GRAP2: variants seen among roughly 807,000 people sequenced by gnomAD.
GRAP2 encodes GRB2-related adapter protein 2.
Under a neutral mutation model 43.5 loss-of-function variants are expected in GRAP2, and 31 were observed. That is an observed-to-expected ratio of 0.71 (90% CI 0.54 to 0.96). GRAP2 has a LOEUF of 0.96. GRAP2 is among the 40% of genes least tolerant of loss of function. The pLI, the probability that GRAP2 is intolerant of heterozygous loss-of-function variation, is 0.00. For missense variants in GRAP2, 371 were observed against 424.4 expected (o/e 0.87, Z 1.11); for synonymous variants, 156 against 164.8 (o/e 0.95, Z 0.41).
intron 3 of GRAP2, among the ~76,000 whole-genome samples, chr22:39,956,173 T>G (rs560410425): frequency 5.7e-4 from 87 of 151,414 alleles, no homozygotes; most frequent in African/African-American, 2.0e-3. Context: ...TTTTTTTTTT[T>G]GGGAGTTGGG....
At chr22:39,896,449 C>G (rs958568897), upstream of GRAP2, among the ~76,000 whole-genome samples, 5 of 152,050 alleles carry the variant, frequency 3.3e-5, no homozygotes, top group Non-Finnish European at 7.4e-5. Flanking sequence ...GAACATGATC[C>G]GAGGGGTCAG....
Position 39,971,460 on chromosome 22 carries a change from A to G in GRAP2, c.*376A>G. ...AGCAGAGACCACACCTCGGCACTGGACACAGAACAACAGGGTGGGGTTGAA... is the reference window on the plus strand; with the variant it reads ...AGCAGAGACCACACCTCGGCACTGGGCACAGAACAACAGGGTGGGGTTGAA... On this transcript the variant is annotated 3_prime_UTR_variant, in exon 8 of 8. Coordinates refer to ENST00000344138, the MANE Select transcript of GRAP2 (RefSeq NM_004810.4). The G allele has an allele frequency of 9.5e-6, 2 of 209,442 alleles. No individual in the cohort carries two copies. The highest frequency in any genetic ancestry group is 1.9e-5 in the Non-Finnish European group (2 of 106,370). 13.0% of individuals were successfully genotyped at this position (209,442 alleles called of 1,614,324 possible).
chr22:39,949,120 C>G (rs530187984), intron 2 of GRAP2, among the ~76,000 whole-genome samples: 1 of 152,136 alleles, frequency 6.6e-6, no homozygotes, highest in Non-Finnish European at 1.5e-5. Context: ...CAGCCCCTAA[C>G]TCAGGATGCC....
At chr22:39,934,622 A>G (rs893355625) in intron 1 of GRAP2, among the ~76,000 whole-genome samples, 2 of 152,216 alleles carry the variant, frequency 1.3e-5, no homozygotes, top group African/African-American at 2.4e-5. Flanking sequence ...TTTTGGTTTC[A>G]AGAAACCCGT....
At chr22:39,955,589 G>A (rs767502931) in intron 2 of GRAP2, among the ~76,000 whole-genome samples, 26 of 152,264 alleles carry the variant, frequency 1.7e-4, no homozygotes, top group African/African-American at 4.8e-4. Context: ...ATGAGTGGAC[G>A]GCACAAGTGG....
chr22:39,904,415 A>C (rs2066510857), intron 1 of GRAP2, among the ~76,000 whole-genome samples: 1 of 152,194 alleles, frequency 6.6e-6, no homozygotes. Flanking sequence ...AAAGAAAAGA[A>C]AAGATAGTGA....
At chr22:39,970,571 G>A (rs748446997) in intron 7 of GRAP2, among the ~76,000 whole-genome samples, 4 of 152,146 alleles carry the variant, frequency 2.6e-5, no homozygotes, top group Admixed American at 1.3e-4. Flanking sequence ...CCAGAGTGAC[G>A]CTGGTGCGTT....
chr22:39,923,140 G>A (rs2066668439), intron 1 of GRAP2, among the ~76,000 whole-genome samples: 1 of 152,154 alleles, frequency 6.6e-6, no homozygotes, highest in South Asian at 2.1e-4. Flanking sequence ...AGACACGGAG[G>A]AGTCCAGAAG....
chr22:39,936,765 C>CTAT (rs1172378410), intron 1 of GRAP2, among the ~76,000 whole-genome samples: 1 of 152,134 alleles, frequency 6.6e-6, no homozygotes, highest in Admixed American at 6.6e-5. Context: ...GTTTGTAAGT[C>CTAT]TATTAGCTGA....
In GRAP2 at chr22:39,968,114, A is replaced by C; in HGVS notation, c.532A>C (p.Ile178Leu). 1.1e-5 allele frequency: 18 copies of C among 1,610,196 alleles called. No homozygotes were observed. Among genetic ancestry groups the C allele is most frequent in the Non-Finnish European group, 1.5e-5 (18 of 1,178,186 alleles). The change falls in exon 6 of 8, where the codon ATC becomes CTC. Residue 178 changes from isoleucine to leucine, a missense_variant. By Grantham distance (5) the Ile-to-Leu change is conservative. Transcript: ENST00000344138. ...CCTCAGTGGGGCTGTGGGAGAAGAAATCCGACCTTCGATGAACCGGAAGCT... is the reference window on the plus strand; with the variant it reads ...CCTCAGTGGGGCTGTGGGAGAAGAACTCCGACCTTCGATGAACCGGAAGCT... Reference protein sequence around the residue: ...PHLSGAVGEEIRPSMNRKLSD... With the variant: ...PHLSGAVGEELRPSMNRKLSD...
intron 3 of GRAP2, among the ~76,000 whole-genome samples, chr22:39,956,445 C>T (rs1569212276): frequency 1.3e-5 from 2 of 151,702 alleles, no homozygotes; most frequent in Non-Finnish European, 2.9e-5. Flanking sequence ...GCGTGAACCA[C>T]CATGCCTGGC....
rs2267418 is a variant in GRAP2 at position 39,937,139 on chromosome 22, T to C, written c.-14-9954T>C. ...AAAGGATGATAGTAACAATAATAAA[T>C]GTTGCAACGGGTGACCGATTATAAA... On this transcript the variant is annotated intron_variant, in intron 1 of 7. Transcript: ENST00000344138. Among the ~76,000 whole-genome samples, 3 of 152,278 alleles carry C rather than the reference T, an allele frequency of 2.0e-5. No individual in the cohort carries two copies. In the East Asian group the frequency reaches 5.8e-4, roughly 29 times the overall value.
chr22:39,901,358 A>G, intron 1 of GRAP2, 28 bp downstream of exon 1: 1 of 781,322 alleles, frequency 1.3e-6, no homozygotes, highest in South Asian at 1.4e-5. Flanking sequence ...ATCTGTACAT[A>G]TACTCTAGAA....
At chr22:39,952,301 A>G (rs1228425343) in intron 2 of GRAP2, among the ~76,000 whole-genome samples, 1 of 152,186 alleles carries the variant, frequency 6.6e-6, no homozygotes, top group Non-Finnish European at 1.5e-5. Flanking sequence ...TGCTGGGATT[A>G]TAAGCGTGAG....
chr22:39,895,413 C>T, the GRAP2 span, among the ~76,000 whole-genome samples: 4 of 152,142 alleles, frequency 2.6e-5, no homozygotes, highest in South Asian at 8.3e-4. Context: ...ATTTGACTGG[C>T]TATAATATAG....
At chr22:39,960,433 G>T in intron 4 of GRAP2, 1 of 431,542 alleles carries the variant, frequency 2.3e-6, no homozygotes, top group East Asian at 3.7e-5. Flanking sequence ...AGGTGCTTCT[G>T]GAAGGGCAGG....
chr22:39,920,131 G>A (rs1030018593), intron 1 of GRAP2, among the ~76,000 whole-genome samples: 4 of 152,110 alleles, frequency 2.6e-5, no homozygotes, highest in African/African-American at 9.7e-5. Flanking sequence ...ATCCACCCAG[G>A]CCAACTTGTG....
At chr22:39,951,750 A>G (rs764741159) in intron 2 of GRAP2, among the ~76,000 whole-genome samples, 12 of 152,176 alleles carry the variant, frequency 7.9e-5, no homozygotes, top group Non-Finnish European at 1.6e-4. Context: ...CCACAACGGC[A>G]GGAGGAAACC....
chr22:39,932,527 A>G (rs1219483533), intron 1 of GRAP2, among the ~76,000 whole-genome samples: 3 of 144,616 alleles, frequency 2.1e-5, no homozygotes, highest in African/African-American at 5.3e-5. Context: ...CCTGAGCAAC[A>G]TAGGGAGACC....
Sources: allele counts gnomAD v4.1 joint callset (sites outside exome capture counted in the v4.1 genomes callset), GRCh38; gene constraint gnomAD v4.1.1; transcripts MANE v1.5; gene names NCBI Gene and HGNC (gene_info 2026-07-23, HGNC 2026-07-21).